The following GRIN2A variants were observed in gnomAD, a reference collection of about 807,000 sequenced individuals.
GRIN2A encodes the protein glutamate receptor ionotropic, NMDA 2A.
In GRIN2A, 22 loss-of-function variants were observed where a neutral mutation model predicts 113.4. The observed-to-expected ratio is 0.19, with a 90% CI of 0.14 to 0.28. GRIN2A has a LOEUF of 0.28. Ranked by LOEUF, GRIN2A falls within the 10% of genes least tolerant of loss-of-function variation. The pLI, the probability that GRIN2A is intolerant of heterozygous loss-of-function variation, is 1.00. For missense variants in GRIN2A, 1,502 were observed against 1,887.0 expected (o/e 0.80, Z 3.78); for synonymous variants, 827 against 738.4 (o/e 1.12, Z -1.94).
chr16:9,780,313 C>G (rs574172681), intron 11 of GRIN2A, among the ~76,000 whole-genome samples: 21 of 151,976 alleles, frequency 1.4e-4, no homozygotes, highest in African/African-American at 1.9e-4. Context: ...CAAAAATATC[C>G]AAAGCAGACA....
chr16:9,983,400 C>A (rs936210844), intron 2 of GRIN2A, among the ~76,000 whole-genome samples: 20 of 151,382 alleles, frequency 1.3e-4, no homozygotes, highest in African/African-American at 4.9e-4. Flanking sequence ...GTCCTCCAAG[C>A]TCATCCATGT....
At chr16:10,158,919 T>C (rs2049757081) in intron 2 of GRIN2A, among the ~76,000 whole-genome samples, 2 of 152,230 alleles carry the variant, frequency 1.3e-5, no homozygotes, top group African/African-American at 4.8e-5. Flanking sequence ...AGATTCTATG[T>C]TATGTGTATT....
intron 2 of GRIN2A, among the ~76,000 whole-genome samples, chr16:9,979,785 CTA>C (rs71157796): frequency 0.04 from 4,932 of 122,188 alleles, 201 homozygotes; most frequent in East Asian, 0.088. Flanking sequence ...GACTATGGGA[CTA>C]TATATATATA....
At chr16:10,042,266 C>T (rs1196070359) in intron 2 of GRIN2A, among the ~76,000 whole-genome samples, 1 of 152,156 alleles carries the variant, frequency 6.6e-6, no homozygotes, top group African/African-American at 2.4e-5. Context: ...GAGTGGGGGA[C>T]AAAAGACAGT....
At chr16:9,890,936 G>A (rs2043681914) in intron 4 of GRIN2A, 50 bp downstream of exon 4, 2 of 1,130,096 alleles carry the variant, frequency 1.8e-6, no homozygotes, top group African/African-American at 3.0e-5. Flanking sequence ...CCCCTTTATT[G>A]CCCATGCTTT....
At chr16:9,770,392 G>C (rs902441023) in intron 11 of GRIN2A, among the ~76,000 whole-genome samples, 1 of 152,100 alleles carries the variant, frequency 6.6e-6, no homozygotes, top group Non-Finnish European at 1.5e-5. Flanking sequence ...CTTTTTTTAA[G>C]TTATGTGAAA....
chr16:10,115,515 C>G (rs1472349823), intron 2 of GRIN2A, among the ~76,000 whole-genome samples: 1 of 152,112 alleles, frequency 6.6e-6, no homozygotes, highest in Non-Finnish European at 1.5e-5. Flanking sequence ...GGGGCCTGCG[C>G]CCCCCCATAA....
chr16:9,865,961 A>G (rs1373005539), intron 4 of GRIN2A, among the ~76,000 whole-genome samples: 1 of 152,238 alleles, frequency 6.6e-6, no homozygotes, highest in East Asian at 1.9e-4. Flanking sequence ...ATTTCCTTAC[A>G]TAGCCTCAAC....
chr16:9,931,783 G>A (rs1283712036), intron 3 of GRIN2A, among the ~76,000 whole-genome samples: 2 of 152,190 alleles, frequency 1.3e-5, no homozygotes, highest in African/African-American at 4.8e-5. Flanking sequence ...GCAGGTAAAC[G>A]TGTGCACATG....
chr16:9,920,804 C>T (rs1291383696), intron 3 of GRIN2A, among the ~76,000 whole-genome samples: 4 of 152,096 alleles, frequency 2.6e-5, no homozygotes, highest in African/African-American at 7.2e-5. Context: ...CCCCCTGCCT[C>T]GGCCTCCCAA....
intron 2 of GRIN2A, among the ~76,000 whole-genome samples, chr16:10,023,623 GC>G (rs1457822134): frequency 1.3e-5 from 2 of 152,186 alleles, no homozygotes; most frequent in Non-Finnish European, 2.9e-5. Context: ...ACCAAAAAGA[GC>G]CTTGGTATTT....
chr16:10,164,803 T>C (rs922780594), intron 2 of GRIN2A, among the ~76,000 whole-genome samples: 5 of 152,254 alleles, frequency 3.3e-5, no homozygotes, highest in Admixed American at 2.6e-4. Context: ...ACCTAGGGAA[T>C]ATAAAAGCGA....
rs774017611 is a variant in GRIN2A at position 9,829,388 on chromosome 16, A to T, written c.2007+35T>A. ...CCTGAAAGGAGAGCAGTTAAGACCA[A>T]CCCTCAGATGGAGAGGAAAGCAAGG... On this transcript the variant is annotated intron_variant, in intron 9 of 12. Coordinates refer to ENST00000330684, the MANE Select transcript of GRIN2A (RefSeq NM_001134407.3). The T allele has an allele frequency of 5.0e-6, 7 of 1,394,306 alleles. No homozygotes were observed. The Admixed American group carries it at 5.0e-5, about 10-fold the overall frequency. 86.4% of individuals were successfully genotyped at this position (1,394,306 alleles called of 1,614,324 possible).
At position 10,038,787 on chromosome 16, in the gene GRIN2A, G is replaced by A. The variant is rs529739648; in HGVS notation, c.415-100236C>T. 1.1e-4 allele frequency among the ~76,000 whole-genome samples: 16 copies of A among 151,570 alleles called. No individual in the cohort carries two copies. In the East Asian group the frequency reaches 2.3e-3, roughly 22 times the overall value. On this transcript the variant is annotated intron_variant, in intron 2 of 12. Transcript: ENST00000330684. ...CACGTGAACCCAGGAGGCGGAGCTT[G>A]CAGTGAGCCGAGATCGCGCCACTGC...
At chr16:9,962,692 G>T (rs1398499235) in intron 2 of GRIN2A, among the ~76,000 whole-genome samples, 1 of 152,166 alleles carries the variant, frequency 6.6e-6, no homozygotes, top group African/African-American at 2.4e-5. Context: ...AACCATTGTG[G>T]AAGTCGGTGT....
Position 10,145,232 on chromosome 16 carries a change from A to G in GRIN2A, c.414+34766T>C, listed in dbSNP as rs935744164. On this transcript the variant is annotated intron_variant, in intron 2 of 12. Coordinates refer to ENST00000330684, the MANE Select transcript of GRIN2A (RefSeq NM_001134407.3). ...AAAGTTTTAGTTATGCAGGATGAAT[A>G]AGTTCTGGAGATCTGCTGGACAACA... Among the ~76,000 whole-genome samples, 27 of 152,190 alleles carry G rather than the reference A, an allele frequency of 1.8e-4. 2 individuals are homozygous for G.
At chr16:9,968,532 C>T (rs960939237) in intron 2 of GRIN2A, among the ~76,000 whole-genome samples, 5 of 152,078 alleles carry the variant, frequency 3.3e-5, no homozygotes, top group East Asian at 1.9e-4. Context: ...AGGATGGTCT[C>T]GAACTCCTGA....
chr16:10,051,369 CGTAA>C (rs2047357222), intron 2 of GRIN2A, among the ~76,000 whole-genome samples: 1 of 152,074 alleles, frequency 6.6e-6, no homozygotes, highest in African/African-American at 2.4e-5. Context: ...AAAGGGCAGT[CGTAA>C]GTGAGTAGTA....
chr16:10,155,610 A>G lies in GRIN2A; in HGVS notation c.414+24388T>C, dbSNP rs192048613. 1.8e-3 allele frequency among the ~76,000 whole-genome samples: 276 copies of G among 152,328 alleles called. 1 individual carries two copies. Among genetic ancestry groups the G allele is most frequent in the Admixed American group, 1.3e-3 (20 of 15,302 alleles). On this transcript the variant is annotated intron_variant, in intron 2 of 12. Coordinates refer to ENST00000330684, the MANE Select transcript of GRIN2A (RefSeq NM_001134407.3). The stretch of plus-strand genomic sequence containing the variant: ...ATCTTTTCCACTGAAAGAGCTCTGT[A>G]TTAGTCTGTTCTCACACTGATAATA...
Sources: allele counts gnomAD v4.1 joint callset (sites outside exome capture counted in the v4.1 genomes callset), GRCh38; gene constraint gnomAD v4.1.1; transcripts MANE v1.5; gene names NCBI Gene and HGNC (gene_info 2026-07-23, HGNC 2026-07-21).